The following PKD2 variants were observed in gnomAD, a reference collection of about 807,000 sequenced individuals.
PKD2 encodes polycystin-2.
Under a neutral mutation model 105.9 loss-of-function variants are expected in PKD2, and 48 were observed. The ratio of observed to expected loss-of-function variants is 0.45; its 90% CI spans 0.36 to 0.58. PKD2 has a LOEUF of 0.58. Ranked by LOEUF, PKD2 falls within the 20% of genes least tolerant of loss-of-function variation. The pLI is 0.00. For synonymous variants in PKD2, 464 were observed against 481.1 expected (o/e 0.96, Z 0.46); for missense variants, 1,078 against 1,255.3 (o/e 0.86, Z 2.13).
At chr4:88,072,112 A>G (rs1344716075) in intron 13 of PKD2, among the ~76,000 whole-genome samples, 1 of 150,966 alleles carries the variant, frequency 6.6e-6, no homozygotes, top group Non-Finnish European at 1.5e-5. Context: ...CTTCTCAAGT[A>G]GCTAGGACTA....
intron 1 of PKD2, among the ~76,000 whole-genome samples, chr4:88,015,249 G>A (rs1416399237): frequency 1.3e-5 from 2 of 152,222 alleles, no homozygotes; most frequent in African/African-American, 4.8e-5. Context: ...CAGCAGGCTA[G>A]TGAGCATTGC....
intron 1 of PKD2, among the ~76,000 whole-genome samples, chr4:88,017,078 CT>C (rs1726585130): frequency 6.6e-6 from 1 of 151,916 alleles, no homozygotes; most frequent in African/African-American, 2.4e-5. Flanking sequence ...AATCCCAGCA[CT>C]TTGGGAGGCT....
At chr4:88,013,449 G>A (rs1419856375) in intron 1 of PKD2, among the ~76,000 whole-genome samples, 1 of 152,222 alleles carries the variant, frequency 6.6e-6, no homozygotes, top group Non-Finnish European at 1.5e-5. Context: ...AGCCGCTCAT[G>A]CCTATAGTCC....
At chr4:88,036,061 G>T in intron 2 of PKD2, 159 bp from the exon 3 acceptor site, 1 of 1,041,880 alleles carries the variant, frequency 9.6e-7, no homozygotes, top group African/African-American at 1.6e-5. Context: ...AGATACCCTA[G>T]AAGAATGATA....
rs1475002499 is a variant in PKD2 at position 88,061,934 on chromosome 4, C to G, written c.2048C>G (p.Thr683Ser). The G allele has an allele frequency of 2.5e-6, 4 of 1,571,758 alleles. No homozygotes were observed. Among genetic ancestry groups the G allele is most frequent in the Non-Finnish European group, 3.5e-6 (4 of 1,141,808 alleles). The part of the protein sequence containing the change: ...LNMFLAIIND[T>S]YSEVKSDLAQ... ...ATGTTTTTGGCTATCATCAATGATA[C>G]TTACTCTGAAGTGAAATCTGACTTG... Residue 683 changes from threonine to serine, a missense_variant, in exon 10 of 15, where the codon ACT becomes AGT. Transcript: ENST00000237596.
chr4:88,026,811 C>T (rs1403281195), intron 2 of PKD2, among the ~76,000 whole-genome samples: 1 of 152,228 alleles, frequency 6.6e-6, no homozygotes, highest in African/African-American at 2.4e-5. Flanking sequence ...CCCTGTGTTC[C>T]AGCCACTCCA....
intron 2 of PKD2, 135 bp from the exon 3 acceptor site, chr4:88,036,085 C>A: frequency 1.5e-6 from 2 of 1,337,566 alleles, no homozygotes; most frequent in Non-Finnish European, 2.1e-6. Context: ...GAAAGGAAGG[C>A]AAGGGTGAGA....
intron 13 of PKD2, among the ~76,000 whole-genome samples, chr4:88,069,804 C>T (rs1339429803): frequency 6.6e-6 from 1 of 152,100 alleles, no homozygotes; most frequent in East Asian, 1.9e-4. Context: ...TTCAAGTTAT[C>T]ATCTGTCGTC....
chr4:88,019,329 TAAA>T (rs200521275), intron 1 of PKD2, 126 bp from the exon 2 acceptor site: 39 of 548,022 alleles, frequency 7.1e-5, no homozygotes, highest in South Asian at 1.3e-4. Flanking sequence ...AAAATGTGAT[TAAA>T]AAAAAAAAAA....
chr4:88,075,546 A>G lies in PKD2; in HGVS notation c.2759A>G (p.Asp920Gly). 1.9e-6 allele frequency: 3 copies of G among 1,614,028 alleles called. No individual in the cohort carries two copies. The Middle Eastern group carries it at 4.9e-4, about 266-fold the overall frequency. ...GAGTTGGAACGCTGGGAATCCGATG[A>G]TGCAGCTTCCCAGATCAGTCATGGT... Reference protein sequence around the residue: ...REELERWESDDAASQISHGLG... With the variant: ...REELERWESDGAASQISHGLG... The change falls in exon 15 of 15, where the codon GAT (aspartate) becomes GGT (glycine). Residue 920 changes from aspartate to glycine, a missense_variant. Coordinates refer to ENST00000237596, the MANE Select transcript of PKD2 (RefSeq NM_000297.4).
chr4:88,055,846 C>T (rs1351332679), intron 7 of PKD2, among the ~76,000 whole-genome samples: 2 of 152,112 alleles, frequency 1.3e-5, no homozygotes, highest in African/African-American at 4.8e-5. Flanking sequence ...CCCTGGTAAC[C>T]TCCATTCTAC....
intron 1 of PKD2, among the ~76,000 whole-genome samples, chr4:88,013,781 G>C (rs1351438132): frequency 6.6e-6 from 1 of 151,896 alleles, no homozygotes; most frequent in African/African-American, 2.4e-5. Flanking sequence ...AGTAAAACTT[G>C]AGCTTCATTT....
intron 12 of PKD2, among the ~76,000 whole-genome samples, chr4:88,067,504 T>A (rs969285862): frequency 1.3e-5 from 2 of 152,080 alleles, no homozygotes; most frequent in African/African-American, 4.8e-5. Context: ...GCTAATTTTT[T>A]AAAAAATTTT....
At chr4:88,013,014 T>C (rs1168558878) in intron 1 of PKD2, among the ~76,000 whole-genome samples, 1 of 152,176 alleles carries the variant, frequency 6.6e-6, no homozygotes, top group Non-Finnish European at 1.5e-5. Flanking sequence ...ACACCAAATT[T>C]TGTTTATCCA....
At chr4:88,046,442 T>G (rs145560296) in intron 5 of PKD2, among the ~76,000 whole-genome samples, 200 bp from the exon 6 acceptor site, 1 of 151,586 alleles carries the variant, frequency 6.6e-6, no homozygotes, top group Non-Finnish European at 1.5e-5. Context: ...CCTCAGGAAG[T>G]CTTATTCCTT....
chr4:88,012,881 T>TGA (rs1726434154), intron 1 of PKD2, among the ~76,000 whole-genome samples: 1 of 152,174 alleles, frequency 6.6e-6, no homozygotes, highest in Non-Finnish European at 1.5e-5. Context: ...TCAAGGTTTA[T>TGA]CCATGCGTGC....
chr4:88,043,365 C>T lies in PKD2; in HGVS notation c.1227C>T (p.Leu409=). Residue 409 remains leucine (L), a synonymous_variant, in exon 5 of 15, where the codon CTC becomes CTT. Coordinates refer to ENST00000237596, the MANE Select transcript of PKD2 (RefSeq NM_000297.4). ...AAACAGCTGCACAAGTTGCTAGCCT[C>T]AAGAAAAATGTCTGGCTGGACCGAG... ...REETAAQVAS[L]KKNVWLDRGT... The T allele has an allele frequency of 6.2e-7, 1 of 1,614,012 alleles. No homozygotes were observed. Among genetic ancestry groups the T allele is most frequent in the Non-Finnish European group, 8.5e-7 (1 of 1,179,930 alleles).
intron 1 of PKD2, among the ~76,000 whole-genome samples, chr4:88,012,375 T>G (rs1005343940): frequency 6.6e-6 from 1 of 152,200 alleles, no homozygotes; most frequent in African/African-American, 2.4e-5. Flanking sequence ...TCATCCACTG[T>G]GCTATATGCC....
chr4:88,009,590 T>C (rs535741154), intron 1 of PKD2, among the ~76,000 whole-genome samples: 2 of 152,320 alleles, frequency 1.3e-5, no homozygotes, highest in South Asian at 4.1e-4. Context: ...GTATTTGTCA[T>C]GTTATTAGCG....
Sources: gnomAD v4.1 joint callset for allele counts (sites outside exome capture counted in the v4.1 genomes callset) on GRCh38, gnomAD v4.1.1 for gene constraint, MANE v1.5 for transcripts, NCBI Gene and HGNC (gene_info 2026-07-23, HGNC 2026-07-21) for gene names.